UNC80: variants seen among roughly 807,000 people sequenced by gnomAD.
UNC80 encodes the protein protein unc-80 homolog.
In UNC80, 164 loss-of-function variants were observed where a neutral mutation model predicts 384.6. The observed-to-expected ratio is 0.43, with a 90% CI of 0.38 to 0.49. UNC80 has a LOEUF of 0.49. Among genes scored for constraint, UNC80 ranks in the 20% least tolerant of loss-of-function variants. The pLI, the probability that UNC80 is intolerant of heterozygous loss-of-function variation, is 0.00. For synonymous variants in UNC80, 1,486 were observed against 1,527.8 expected (o/e 0.97, Z 0.64); for missense variants, 3,330 against 4,143.0 (o/e 0.80, Z 5.39).
At chr2:209,913,732 T>A in intron 30 of UNC80, 70 bp from the exon 31 acceptor site, 2 of 1,443,094 alleles carry the variant, frequency 1.4e-6, no homozygotes, top group Non-Finnish European at 1.8e-6. Flanking sequence ...ACGTGGCTTT[T>A]AAGTTTCAAG....
At position 209,872,298 on chromosome 2, in the gene UNC80, C is replaced by G. The variant is rs2084369639; in HGVS notation, c.3628-460C>G. Among the ~76,000 whole-genome samples, 1 of 152,088 alleles carries G rather than the reference C, an allele frequency of 6.6e-6. No homozygotes were observed. The highest frequency in any genetic ancestry group is 1.5e-5 in the Non-Finnish European group (1 of 68,036). The stretch of plus-strand genomic sequence containing the variant: ...GATGGTTATAGACAAAAGACTATTG[C>G]TGGTACAAAATTACTTCTGACGCTC... On this transcript the variant is annotated intron_variant, in intron 22 of 64. Coordinates refer to ENST00000673920, the MANE Select transcript of UNC80 (RefSeq NM_001371986.1). This position sits in a 1 kb window ranked among gnomAD's most constrained non-coding sequence, Gnocchi z 4.1.
chr2:209,972,135 G>A (rs2092903503), intron 54 of UNC80, 66 bp from the exon 55 acceptor site: 4 of 1,523,772 alleles, frequency 2.6e-6, no homozygotes, highest in Non-Finnish European at 3.5e-6. Context: ...ATCATACTGT[G>A]TAAAAACAAA....
intron 47 of UNC80, among the ~76,000 whole-genome samples, chr2:209,952,070 TG>T (rs1274985066): frequency 6.6e-6 from 1 of 152,256 alleles, no homozygotes; most frequent in Non-Finnish European, 1.5e-5. Context: ...AGAGTTTTGA[TG>T]AAATTCTCCA....
chr2:209,912,730 C>A, intron 30 of UNC80, 63 bp downstream of exon 30: 8 of 1,142,822 alleles, frequency 7.0e-6, no homozygotes, highest in Non-Finnish European at 8.9e-6. Flanking sequence ...TCCAGACAGC[C>A]TATTTACTAA....
chr2:209,880,828 A>G, intron 24 of UNC80, 133 bp from the exon 25 acceptor site: 1 of 799,964 alleles, frequency 1.3e-6, no homozygotes, highest in Admixed American at 2.7e-5. Context: ...ATGTAATTGG[A>G]TGTTGGACAT....
At chr2:209,956,552 T>C (rs1470009811) in intron 48 of UNC80, among the ~76,000 whole-genome samples, 1 of 151,870 alleles carries the variant, frequency 6.6e-6, no homozygotes, top group Non-Finnish European at 1.5e-5. Context: ...AGCAATAGCA[T>C]CTTGAATCCT....
At chr2:209,927,832 A>G (rs543082098) in intron 36 of UNC80, among the ~76,000 whole-genome samples, 12 of 152,296 alleles carry the variant, frequency 7.9e-5, no homozygotes, top group African/African-American at 2.9e-4. Context: ...GACATTGTAC[A>G]CTGATCATTA....
At chr2:209,875,391 C>T (rs191184068) in intron 23 of UNC80, among the ~76,000 whole-genome samples, 10 of 152,162 alleles carry the variant, frequency 6.6e-5, no homozygotes, top group Non-Finnish European at 1.0e-4. Context: ...AGCTAATGTA[C>T]CTAAAGAATA....
At chr2:209,838,644 C>G (rs1339738986) in intron 18 of UNC80, among the ~76,000 whole-genome samples, 4 of 152,030 alleles carry the variant, frequency 2.6e-5, no homozygotes, top group African/African-American at 7.2e-5. Context: ...CAGTGCTGCA[C>G]AAGCCTTAGG....
At position 209,998,793 on chromosome 2, in the gene UNC80, C is replaced by T. The variant is rs1448149135; in HGVS notation, c.*3198C>T. 6.6e-6 allele frequency: 1 copy of T among 152,194 alleles called. No individual in the cohort carries two copies. The highest frequency in any genetic ancestry group is 1.5e-5 in the Non-Finnish European group (1 of 68,040). 9.4% of individuals were successfully genotyped at this position (152,194 alleles called of 1,614,324 possible). On this transcript the variant is annotated 3_prime_UTR_variant, in exon 65 of 65. Transcript: ENST00000673920. ...GTCTCCAGAATTCGCTGCTATCACA[C>T]CAAGTCATGCTGTTGCCCTGTGACC...
At chr2:209,902,247 T>C (rs1033983358) in intron 28 of UNC80, among the ~76,000 whole-genome samples, 1 of 152,346 alleles carries the variant, frequency 6.6e-6, no homozygotes, top group African/African-American at 2.4e-5. Context: ...ACTAAATTGC[T>C]GCAATCTTAT....
intron 59 of UNC80, 94 bp from the exon 60 acceptor site, chr2:209,982,085 A>T: frequency 1.5e-6 from 2 of 1,323,276 alleles, no homozygotes; most frequent in Non-Finnish European, 2.1e-6. Context: ...TAAGTTGTAC[A>T]CAAGCCAAGG....
chr2:209,927,089 G>A, intron 36 of UNC80, 103 bp downstream of exon 36: 1 of 1,265,444 alleles, frequency 7.9e-7, no homozygotes, highest in African/African-American at 1.5e-5. Context: ...GCCACATGTT[G>A]AACTGTTTTA....
Position 209,970,891 on chromosome 2 carries a change from C to A in UNC80, c.8190C>A (p.Ser2730Arg). The change falls in exon 54 of 65, where the codon AGC becomes AGA. Residue 2730 changes from serine (S) to arginine (R), a missense_variant. Ser to Arg is a moderately radical substitution (Grantham distance 110). Coordinates refer to ENST00000673920, the MANE Select transcript of UNC80 (RefSeq NM_001371986.1). ...VADGLPLLHL[S>R]PYLSPPLPFS... is the part of the protein sequence containing the mutation. ...ATGGATTACCCCTTCTTCATCTCAGCCCTTATCTCTCACCACCTCTGCCCT... is the reference window on the plus strand; with the variant it reads ...ATGGATTACCCCTTCTTCATCTCAGACCTTATCTCTCACCACCTCTGCCCT... The A allele has an allele frequency of 1.3e-6, 2 of 1,551,840 alleles. No individual in the cohort carries two copies. The highest frequency in any genetic ancestry group is 1.7e-6 in the Non-Finnish European group (2 of 1,147,024).
intron 59 of UNC80, among the ~76,000 whole-genome samples, chr2:209,979,451 A>G (rs2093101294): frequency 6.6e-6 from 1 of 152,188 alleles, no homozygotes; most frequent in Non-Finnish European, 1.5e-5. Flanking sequence ...GTATATGCCT[A>G]GGACTCAGAA....
chr2:209,786,508 A>G (rs2077433224), intron 5 of UNC80, among the ~76,000 whole-genome samples: 1 of 152,212 alleles, frequency 6.6e-6, no homozygotes, highest in East Asian at 1.9e-4. Flanking sequence ...GCTTAGAAGA[A>G]TGTCTGGCAC....
In UNC80 at chr2:209,842,304, C is replaced by T. The variant is rs781398206; in HGVS notation, c.3358-46C>T. ...GAGTTGATCTAACCACAAAGATTTACCTTTGAATCTTATCTCTCTACTTTC... is the reference window on the plus strand; with the variant it reads ...GAGTTGATCTAACCACAAAGATTTATCTTTGAATCTTATCTCTCTACTTTC... On this transcript the variant is annotated intron_variant, in intron 20 of 64. Coordinates refer to ENST00000673920, the MANE Select transcript of UNC80 (RefSeq NM_001371986.1). 32 of 1,382,618 alleles carry T rather than the reference C, an allele frequency of 2.3e-5. No homozygotes were observed. In the South Asian group the frequency reaches 4.1e-4, roughly 18 times the overall value. 85.6% of individuals were successfully genotyped at this position (1,382,618 alleles called of 1,614,324 possible). A position where few individuals can be genotyped will look rare whatever the true frequency, so the allele number is the denominator to read the frequency against.
chr2:209,834,869 T>C, intron 17 of UNC80, 43 bp from the exon 18 acceptor site: 1 of 1,475,956 alleles, frequency 6.8e-7, no homozygotes, highest in Non-Finnish European at 9.2e-7. Context: ...TAAGACTTGC[T>C]ATCCTGCTCT....
intron 14 of UNC80, among the ~76,000 whole-genome samples, chr2:209,827,036 T>G (rs2080577717): frequency 2.6e-5 from 4 of 152,124 alleles, no homozygotes; most frequent in Admixed American, 2.6e-4. Context: ...TATATTATAT[T>G]GTGTTGCGTT....
Sources: allele counts gnomAD v4.1 joint callset (sites outside exome capture counted in the v4.1 genomes callset), GRCh38; gene constraint gnomAD v4.1.1; non-coding constraint Gnocchi (gnomAD v3.1); transcripts MANE v1.5; gene names NCBI Gene and HGNC (gene_info 2026-07-23, HGNC 2026-07-21).